Variants in SNX24 observed in about 807,000 individuals in gnomAD.
The protein encoded by SNX24 is sorting nexin 24.
Under a neutral mutation model 28.7 loss-of-function variants are expected in SNX24, and 22 were observed. The observed-to-expected ratio is 0.77, with a 90% CI of 0.55 to 1.10. The LOEUF (loss-of-function observed/expected upper bound fraction) is 1.10, where lower values mean the gene tolerates loss of function less well. Among genes scored for constraint, SNX24 ranks in the 50% least tolerant of loss-of-function variants. The pLI, the probability that SNX24 is intolerant of heterozygous loss-of-function variation, is 0.00. For synonymous variants in SNX24, 69 were observed against 71.5 expected (o/e 0.96, Z 0.18); for missense variants, 221 against 201.1 (o/e 1.10, Z -0.60).
Position 122,870,975 on chromosome 5 carries a change from A to G in SNX24, c.60+25282A>G, listed in dbSNP as rs536978218. ...CATCACCTGGAGAGCTTTACAAACT[A>G]CTGATGCCTGGGGCCCACCCTCAGA... On this transcript the variant is annotated intron_variant, in intron 1 of 6. Transcript: ENST00000261369. Among the ~76,000 whole-genome samples, 15 of 152,282 alleles carry G rather than the reference A, an allele frequency of 9.9e-5. No individual in the cohort carries two copies. The South Asian group carries it at 3.1e-3, about 32-fold the overall frequency.
chr5:123,013,830 G>T (rs1252828051), downstream of SNX24, among the ~76,000 whole-genome samples: 1 of 120,724 alleles, frequency 8.3e-6, no homozygotes, highest in Admixed American at 7.3e-5. Context: ...GTCATGTATT[G>T]TTGGACTAGG....
intron 1 of SNX24, among the ~76,000 whole-genome samples, chr5:122,882,308 G>A (rs180805485): frequency 7.9e-5 from 12 of 152,272 alleles, no homozygotes; most frequent in African/African-American, 2.6e-4. Flanking sequence ...GCATTAGGAT[G>A]CCTCTACTCC....
intron 1 of SNX24, among the ~76,000 whole-genome samples, chr5:122,878,930 C>G (rs1392345841): frequency 3.3e-5 from 5 of 149,438 alleles, no homozygotes; most frequent in Non-Finnish European, 7.4e-5. Context: ...GAACTGTGAT[C>G]CAGACAGAGC....
At chr5:123,015,761 A>T (rs189073545) in intron 5 of SNX24, among the ~76,000 whole-genome samples, 106 of 152,294 alleles carry the variant, frequency 7.0e-4, no homozygotes, top group Middle Eastern at 6.8e-3. Context: ...TTTAATTAAA[A>T]AAGAAAAAAA....
chr5:122,897,173 A>G (rs1302415628), intron 1 of SNX24, among the ~76,000 whole-genome samples: 2 of 138,740 alleles, frequency 1.4e-5, no homozygotes, highest in South Asian at 4.3e-4. Context: ...TCATTGCCTC[A>G]TCAGTATGCC....
At chr5:122,857,641 A>G (rs1461573274) in intron 1 of SNX24, among the ~76,000 whole-genome samples, 1 of 152,064 alleles carries the variant, frequency 6.6e-6, no homozygotes, top group East Asian at 1.9e-4. Context: ...GCGCCCACTT[A>G]TAAGTGAGAA....
At chr5:122,939,873 A>T (rs1190999795) in intron 2 of SNX24, among the ~76,000 whole-genome samples, 1 of 152,236 alleles carries the variant, frequency 6.6e-6, no homozygotes. Context: ...CACTGAAGTT[A>T]CAAAGCTTAG....
chr5:123,010,672 T>G (rs1396306260), downstream of SNX24, among the ~76,000 whole-genome samples: 1 of 152,220 alleles, frequency 6.6e-6, no homozygotes, highest in African/African-American at 2.4e-5. Context: ...GTCTCCCATC[T>G]CATCTCCTAA....
At chr5:123,005,922 A>T (rs892932598) in intron 6 of SNX24, among the ~76,000 whole-genome samples, 9 of 152,360 alleles carry the variant, frequency 5.9e-5, no homozygotes, top group African/African-American at 1.9e-4. Flanking sequence ...ATCAAGTGTC[A>T]TCAACCAGAA....
chr5:122,855,108 G>A (rs140715971), intron 1 of SNX24, among the ~76,000 whole-genome samples: 2 of 150,822 alleles, frequency 1.3e-5, no homozygotes, highest in Admixed American at 6.6e-5. Context: ...GTCTCGCTCT[G>A]TTGCTCAGGC....
At position 123,008,036 on chromosome 5, in the gene SNX24, G is replaced by A. The variant is rs546665376; in HGVS notation, c.*287G>A. ...AGGAGGCCACAGGAGATTCCTGGGA[G>A]CACTGGGTGTAGCAAAACAAAGCCA... is the stretch of plus-strand genomic sequence containing the variant. On this transcript the variant is annotated 3_prime_UTR_variant, in exon 7 of 7. Transcript: ENST00000261369. 1 of 1,102,918 alleles carries A rather than the reference G, an allele frequency of 9.1e-7. No homozygotes were observed. 68.3% of individuals were successfully genotyped at this position (1,102,918 alleles called of 1,614,324 possible).
chr5:122,924,947 G>GCCTTCCCTCCCCACTCTTCCCTTTC, intron 1 of SNX24, among the ~76,000 whole-genome samples: 7 of 151,574 alleles, frequency 4.6e-5, no homozygotes, highest in Non-Finnish European at 8.8e-5. Context: ...TAAAGGCCTG[G>GCCTTCCCTCCCCACTCTTCCCTTTC]CCTTCCCTCC....
intron 1 of SNX24, among the ~76,000 whole-genome samples, chr5:122,922,684 T>G (rs1391745147): frequency 6.6e-6 from 1 of 152,222 alleles, no homozygotes; most frequent in Non-Finnish European, 1.5e-5. Context: ...AGCAGTTTAT[T>G]GAAAATTACA....
intron 3 of SNX24, among the ~76,000 whole-genome samples, chr5:122,998,030 T>G (rs748236853): frequency 1.3e-5 from 2 of 152,190 alleles, no homozygotes; most frequent in Non-Finnish European, 2.9e-5. Flanking sequence ...TTACAGGCAC[T>G]GAAATAATGA....
intron 3 of SNX24, among the ~76,000 whole-genome samples, chr5:122,998,012 T>C (rs940398007): frequency 1.3e-5 from 2 of 152,158 alleles, no homozygotes; most frequent in Admixed American, 1.3e-4. Flanking sequence ...CGCCTAGAAC[T>C]TTTTGAGTTA....
chr5:122,887,902 C>T (rs961651654), intron 1 of SNX24, among the ~76,000 whole-genome samples: 5 of 152,108 alleles, frequency 3.3e-5, no homozygotes, highest in African/African-American at 7.2e-5. Flanking sequence ...GAGTTTTCAC[C>T]ATGTTGGTCA....
At chr5:122,858,242 AAAT>A (rs1349102543) in intron 1 of SNX24, among the ~76,000 whole-genome samples, 1 of 152,240 alleles carries the variant, frequency 6.6e-6, no homozygotes, top group Non-Finnish European at 1.5e-5. Flanking sequence ...ATAACAGATA[AAAT>A]AATAATGGAA....
chr5:122,972,132 C>T (rs1445431097), intron 3 of SNX24, among the ~76,000 whole-genome samples: 2 of 152,222 alleles, frequency 1.3e-5, no homozygotes, highest in Non-Finnish European at 2.9e-5. Flanking sequence ...CCTTCTTAGC[C>T]TGTTGACTTA....
At chr5:122,989,411 G>A (rs1435922513) in intron 3 of SNX24, among the ~76,000 whole-genome samples, 1 of 151,830 alleles carries the variant, frequency 6.6e-6, no homozygotes, top group African/African-American at 2.4e-5. Flanking sequence ...AAAAAGATGG[G>A]GGCCACTGCA....
Sources: gnomAD v4.1 joint callset for allele counts (sites outside exome capture counted in the v4.1 genomes callset) on GRCh38, gnomAD v4.1.1 for gene constraint, MANE v1.5 for transcripts, NCBI Gene and HGNC (gene_info 2026-07-23, HGNC 2026-07-21) for gene names.